Variants in PAQR3 observed in about 807,000 individuals in gnomAD.
PAQR3 encodes Raf kinase trapping to Golgi.
Under a neutral mutation model 41.7 loss-of-function variants are expected in PAQR3, and 39 were observed. The observed-to-expected ratio is 0.93, with a 90% CI of 0.72 to 1.22. The LOEUF is 1.22. Ranked by LOEUF, PAQR3 falls within the 50% of genes most tolerant of loss-of-function variation. The pLI is 0.00. For missense variants in PAQR3, 366 were observed against 385.6 expected, an observed-to-expected ratio of 0.95 and a Z score of 0.42; for synonymous variants, 140 against 140.6, an observed-to-expected ratio of 1.00 and a Z score of 0.03.
At chr4:78,924,011 G>A (rs1735938589) in intron 4 of PAQR3, 64 bp from the exon 5 acceptor site, 5 of 1,159,078 alleles carry the variant, frequency 4.3e-6, no homozygotes, top group Non-Finnish European at 6.5e-6. Flanking sequence ...AATTTATTAT[G>A]AATCTAATAG....
In PAQR3 at chr4:78,921,301, A is replaced by G. The variant is rs140439515; in HGVS notation, c.794-620T>C. 5.8e-4 allele frequency among the ~76,000 whole-genome samples: 88 copies of G among 152,028 alleles called. 1 individual carries two copies. The highest frequency in any genetic ancestry group is 5.9e-5 in the Non-Finnish European group (4 of 67,900). ...AAATGTTAAATTCTGAGAAGATTAA[A>G]CAATTAACATACGGAAAACTTCTTG... On this transcript the variant is annotated intron_variant, in intron 5 of 5. Coordinates refer to ENST00000512733, the MANE Select transcript of PAQR3 (RefSeq NM_001040202.2).
chr4:78,933,920 A>T (rs1202036800), intron 2 of PAQR3, among the ~76,000 whole-genome samples: 1 of 152,206 alleles, frequency 6.6e-6, no homozygotes, highest in East Asian at 1.9e-4. Context: ...GCATATAACT[A>T]ACAAGAATAG....
intron 11 of PAQR3, among the ~76,000 whole-genome samples, chr4:78,890,629 A>T (rs577816249): frequency 6.6e-6 from 1 of 152,140 alleles, no homozygotes; most frequent in African/African-American, 2.4e-5. Flanking sequence ...TTAGTTTTTT[A>T]TGTACCCTAT....
At chr4:78,893,409 G>A (rs1422921299) in intron 11 of PAQR3, among the ~76,000 whole-genome samples, 1 of 152,092 alleles carries the variant, frequency 6.6e-6, no homozygotes, top group Non-Finnish European at 1.5e-5. Context: ...CCAGAGTCTT[G>A]TTAATGTTGA....
intron 3 of PAQR3, among the ~76,000 whole-genome samples, chr4:78,929,464 G>GT (rs1285086345): frequency 2.6e-5 from 4 of 152,196 alleles, no homozygotes; most frequent in African/African-American, 9.7e-5. Context: ...GTTCTACTCC[G>GT]TAAGGTTTGG....
chr4:78,910,683 T>C, downstream of PAQR3: 1 of 1,608,222 alleles, frequency 6.2e-7, no homozygotes, highest in South Asian at 1.1e-5. Flanking sequence ...TCAAGAACGG[T>C]AAAACAAGTC....
At chr4:78,911,456 T>C (rs1553922653), downstream of PAQR3, 54 of 1,613,810 alleles carry the variant, frequency 3.3e-5, 1 homozygote, top group South Asian at 5.7e-4. Context: ...CAGCAAAAAG[T>C]CAAACAGCGC....
chr4:78,910,458 T>A (rs1734526543), downstream of PAQR3, among the ~76,000 whole-genome samples: 1 of 152,182 alleles, frequency 6.6e-6, no homozygotes, highest in Admixed American at 6.5e-5. Context: ...ATTCTCTAAG[T>A]CTAATGACGA....
chr4:78,910,837 G>A, downstream of PAQR3: 1 of 1,613,948 alleles, frequency 6.2e-7, no homozygotes, highest in Non-Finnish European at 8.5e-7. Flanking sequence ...TGATGAAGAA[G>A]TTCTTCAGGG....
At chr4:78,933,166 A>G in intron 2 of PAQR3, 1 of 456,198 alleles carries the variant, frequency 2.2e-6, no homozygotes, top group Non-Finnish European at 4.4e-6. Flanking sequence ...CACACCTACG[A>G]GTGGCTTGAC....
intron 1 of PAQR3, among the ~76,000 whole-genome samples, chr4:78,937,303 G>A (rs990802596): frequency 6.6e-6 from 1 of 152,170 alleles, no homozygotes. Flanking sequence ...CTTTCTGCAG[G>A]CGGCAGAGGT....
chr4:78,887,266 C>G (rs772219784), exon 13 of PAQR3: 2 of 1,607,720 alleles, frequency 1.2e-6, no homozygotes, highest in East Asian at 2.2e-5. Flanking sequence ...TGGTTCTGTT[C>G]CTTTCATTTC....
rs955150731 is a variant in PAQR3, at chr4:78,922,383, G to C, written c.793+1474C>G. ...TCTTCTTTCCCAACACACGTGACGA[G>C]TGGTACAATCCCTTCTCTGATTCAC... On this transcript the variant is annotated intron_variant, in intron 5 of 5. Coordinates refer to ENST00000512733, the MANE Select transcript of PAQR3 (RefSeq NM_001040202.2). 2.8e-5 allele frequency: 36 copies of C among 1,288,696 alleles called. No homozygotes were observed. The Admixed American group carries it at 8.3e-4, about 30-fold the overall frequency. 79.8% of individuals were successfully genotyped at this position (1,288,696 alleles called of 1,614,324 possible).
intron 1 of PAQR3, among the ~76,000 whole-genome samples, chr4:78,935,497 C>T (rs945927536): frequency 6.6e-6 from 1 of 152,152 alleles, no homozygotes; most frequent in Non-Finnish European, 1.5e-5. Context: ...TTTGGGTGCT[C>T]ACCTCTATTA....
intron 11 of PAQR3, among the ~76,000 whole-genome samples, chr4:78,893,249 T>C (rs1429867825): frequency 6.6e-6 from 1 of 152,252 alleles, no homozygotes; most frequent in African/African-American, 2.4e-5. Context: ...ACTCCTCATC[T>C]GTTCCAGTTT....
Position 78,921,558 on chromosome 4 carries a change from A to C in PAQR3, c.794-877T>G, listed in dbSNP as rs115036965. 1,255 of 718,526 alleles carry C rather than the reference A, an allele frequency of 1.7e-3. 14 individuals carry two copies. In the African/African-American group the frequency reaches 0.022, roughly 13 times the overall value. The allele number at this position is 718,526 out of a possible 1,614,324, so 44.5% of individuals were successfully genotyped here. On this transcript the variant is annotated intron_variant, in intron 5 of 5. Coordinates refer to ENST00000512733, the MANE Select transcript of PAQR3 (RefSeq NM_001040202.2). ...TACAGACCCATTTTTTTAAAAAACA[A>C]AACACAGAGGATTACAACAAATATT...
At chr4:78,888,135 A>C (rs1482562128) in exon 12 of PAQR3, 1 of 152,138 alleles carries the variant, frequency 6.6e-6, no homozygotes, top group Non-Finnish European at 1.5e-5. Context: ...CAACATTCAG[A>C]CTTGTTTGGT....
chr4:78,899,785 C>T (rs938909754), intron 11 of PAQR3, among the ~76,000 whole-genome samples: 21 of 151,628 alleles, frequency 1.4e-4, no homozygotes, highest in Admixed American at 2.6e-4. Flanking sequence ...AAAAATAATG[C>T]GGTTGGAATC....
chr4:78,906,336 T>C (rs1734282475), intron 10 of PAQR3, among the ~76,000 whole-genome samples: 1 of 152,134 alleles, frequency 6.6e-6, no homozygotes, highest in Non-Finnish European at 1.5e-5. Flanking sequence ...ATAAATATTT[T>C]TGATTGTTAT....
Sources: gnomAD v4.1 joint callset for allele counts (sites outside exome capture counted in the v4.1 genomes callset) on GRCh38, gnomAD v4.1.1 for gene constraint, MANE v1.5 for transcripts, NCBI Gene and HGNC (gene_info 2026-07-23, HGNC 2026-07-21) for gene names.